Variants in BAZ1B observed in about 807,000 individuals in gnomAD.
BAZ1B encodes bromodomain adjacent to zinc finger domain 1B, also known as tyrosine-protein kinase BAZ1B.
A neutral mutation model predicts 153.8 loss-of-function variants in BAZ1B; 22 were observed. The ratio of observed to expected loss-of-function variants is 0.14; its 90% CI spans 0.10 to 0.20. BAZ1B has a LOEUF of 0.20. BAZ1B is among the 10% of genes least tolerant of loss of function. BAZ1B has a pLI of 1.00. For missense variants in BAZ1B, 1,325 were observed against 1,799.3 expected (o/e 0.74, Z 4.77); for synonymous variants, 676 against 633.4 (o/e 1.07, Z -1.01).
intron 3 of BAZ1B, among the ~76,000 whole-genome samples, chr7:73,506,617 T>TTC (rs1790352803): frequency 6.6e-6 from 1 of 151,710 alleles, no homozygotes; most frequent in Admixed American, 6.6e-5. Context: ...TCTGGGAGGC[T>TTC]GAAGTAGGCA....
chr7:73,462,354 T>C (rs1230822480), intron 12 of BAZ1B: 1 of 154,754 alleles, frequency 6.5e-6, no homozygotes, highest in Admixed American at 6.3e-5. Context: ...AAAAACGGTT[T>C]ATAATAGTAA....
intron 6 of BAZ1B, among the ~76,000 whole-genome samples, chr7:73,484,963 GT>G (rs1416387689): frequency 6.6e-6 from 1 of 151,990 alleles, no homozygotes; most frequent in Non-Finnish European, 1.5e-5. Flanking sequence ...AAACAAAATT[GT>G]TTTTTTGGTT....
chr7:73,456,107 T>G (rs1022974875), intron 13 of BAZ1B, among the ~76,000 whole-genome samples: 16 of 152,102 alleles, frequency 1.1e-4, no homozygotes, highest in Non-Finnish European at 2.1e-4. Context: ...GTATCTAATA[T>G]GAAAAAAATG....
chr7:73,478,553 G>A lies in BAZ1B; in HGVS notation c.908C>T (p.Pro303Leu), dbSNP rs782160864. ...TCCAGTATTCTTCCTCTTAGTAGAA[G>A]GGTTGAGAGTCATATACTAGAATTT... is the stretch of plus-strand genomic sequence containing the variant. Reference protein sequence around the residue: ...LDPYKYMTLNPSTKRKNTGSP... With the variant: ...LDPYKYMTLNLSTKRKNTGSP... The change falls in exon 7 of 20, where the codon CCT (proline) becomes CTT (leucine). Residue 303 changes from proline to leucine, a missense_variant. Physicochemically the swap from Pro to Leu is moderately conservative, Grantham distance 98. This residue lies in a region of BAZ1B where 219 missense variants were observed against 248.2 expected (regional missense o/e 0.88). Coordinates refer to ENST00000339594, the MANE Select transcript of BAZ1B (RefSeq NM_032408.4). The A allele has an allele frequency of 2.1e-5, 32 of 1,533,578 alleles. No homozygotes were observed. Among genetic ancestry groups the A allele is most frequent in the African/African-American group, 2.8e-5 (2 of 71,740 alleles). 95.0% of individuals were successfully genotyped at this position (1,533,578 alleles called of 1,614,324 possible). A position where few individuals can be genotyped will look rare whatever the true frequency, so the allele number is the denominator to read the frequency against.
Position 73,463,117 on chromosome 7 carries a change from A to G in BAZ1B, c.3072-18T>C. 6.3e-7 allele frequency: 1 copy of G among 1,579,092 alleles called. No homozygotes were observed. The highest frequency in any genetic ancestry group is 8.6e-7 in the Non-Finnish European group (1 of 1,163,760). On this transcript the variant is annotated intron_variant, in intron 11 of 19. Transcript: ENST00000339594. ...CCTGGTACCTAGAAGATTTGGGACAAGAGAATGGGGAAAGAAACAAACTTT... is the reference window on the plus strand; with the variant it reads ...CCTGGTACCTAGAAGATTTGGGACAGGAGAATGGGGAAAGAAACAAACTTT...
At chr7:73,465,895 C>T (rs946557118) in intron 10 of BAZ1B, among the ~76,000 whole-genome samples, 2 of 152,170 alleles carry the variant, frequency 1.3e-5, no homozygotes, top group African/African-American at 4.8e-5. Context: ...AATGGATCCT[C>T]TAAAACCTAG....
At position 73,521,778 on chromosome 7, in the gene BAZ1B, CCCCGGCCCAG is replaced by C. The variant is rs576870439; in HGVS notation, c.107+39_107+48del. 205 of 1,448,302 alleles carry C rather than the reference CCCCGGCCCAG, an allele frequency of 1.4e-4. 1 individual carries two copies. The highest frequency in any genetic ancestry group is 7.0e-4 in the African/African-American group (47 of 66,954). 89.7% of individuals were successfully genotyped at this position (1,448,302 alleles called of 1,614,324 possible). ...CTGGTCTCGCGAGCCCCAGGCCCTA[CCCCGGCCCAG>C]CCCGGCCCAGCCCGGCCCGCGCGGC... On this transcript the variant is annotated intron_variant, in intron 1 of 19. Coordinates refer to ENST00000339594, the MANE Select transcript of BAZ1B (RefSeq NM_032408.4).
At chr7:73,518,431 TAAATAAAAATAA>T (rs1240860204) in intron 1 of BAZ1B, among the ~76,000 whole-genome samples, 10 of 149,652 alleles carry the variant, frequency 6.7e-5, no homozygotes, top group South Asian at 6.3e-4. Context: ...AATAAATAAA[TAAATAAAAATAA>T]AAATAAAAAT....
chr7:73,481,854 A>C (rs1789214757), intron 6 of BAZ1B, among the ~76,000 whole-genome samples: 1 of 152,018 alleles, frequency 6.6e-6, no homozygotes, highest in Admixed American at 6.5e-5. Flanking sequence ...TGGCTAACAC[A>C]GTGAAACACC....
intron 13 of BAZ1B, among the ~76,000 whole-genome samples, chr7:73,456,033 C>G (rs1422017354): frequency 1.3e-5 from 2 of 152,090 alleles, no homozygotes; most frequent in African/African-American, 4.8e-5. Flanking sequence ...TTACTTACCT[C>G]TCATTTTATT....
chr7:73,508,142 G>A (rs183161469), intron 3 of BAZ1B, among the ~76,000 whole-genome samples, 185 bp downstream of exon 3: 60 of 152,234 alleles, frequency 3.9e-4, no homozygotes, highest in African/African-American at 1.4e-3. Flanking sequence ...GCGACAGAGT[G>A]AGACTCCATC....
At chr7:73,500,392 T>G (rs1327397955) in intron 3 of BAZ1B, among the ~76,000 whole-genome samples, 1 of 150,658 alleles carries the variant, frequency 6.6e-6, no homozygotes, top group Non-Finnish European at 1.5e-5. Context: ...ACAAAAAAAT[T>G]TGCCAGGCGA....
At chr7:73,484,114 A>C (rs1381101683) in intron 6 of BAZ1B, among the ~76,000 whole-genome samples, 1 of 152,164 alleles carries the variant, frequency 6.6e-6, no homozygotes, top group African/African-American at 2.4e-5. Flanking sequence ...AAAAATAGAA[A>C]AATTAGCCAG....
In BAZ1B at chr7:73,478,641, A is replaced by C. The variant is rs150092082; in HGVS notation, c.892-72T>G. ...AACTTAAGCAACATTTAAGCATCTT[A>C]AAGGCCCTCTTCCCCAGCTATTCAG... On this transcript the variant is annotated intron_variant, in intron 6 of 19. Coordinates refer to ENST00000339594, the MANE Select transcript of BAZ1B (RefSeq NM_032408.4). 1.4e-5 allele frequency: 18 copies of C among 1,264,560 alleles called. No homozygotes were observed. The East Asian group carries it at 4.5e-4, about 32-fold the overall frequency. The allele number at this position is 1,264,560 out of a possible 1,614,324, so 78.3% of individuals were successfully genotyped here.
chr7:73,476,730 A>T, intron 7 of BAZ1B, 138 bp downstream of exon 7: 1 of 1,373,206 alleles, frequency 7.3e-7, no homozygotes, highest in Non-Finnish European at 9.7e-7. Flanking sequence ...ATAAAAAATA[A>T]AATACATACC....
chr7:73,509,700 C>T (rs1367841165), intron 2 of BAZ1B, among the ~76,000 whole-genome samples: 1 of 151,096 alleles, frequency 6.6e-6, no homozygotes, highest in Non-Finnish European at 1.5e-5. Flanking sequence ...CGAAACTGTG[C>T]CTCTTAAAAA....
intron 19 of BAZ1B, 23 bp downstream of exon 19, chr7:73,442,158 T>TTC: frequency 4.4e-6 from 2 of 456,506 alleles, no homozygotes; most frequent in South Asian, 1.8e-5. Context: ...TCCCTAGCTG[T>TTC]CCCCCCACCT....
At chr7:73,517,160 G>C (rs1554579478) in intron 1 of BAZ1B, among the ~76,000 whole-genome samples, 1 of 151,428 alleles carries the variant, frequency 6.6e-6, no homozygotes, top group African/African-American at 2.4e-5. Flanking sequence ...TCCAGTCTGG[G>C]CGACACAGCA....
At chr7:73,446,695 C>T (rs1787850573) in intron 16 of BAZ1B, among the ~76,000 whole-genome samples, 1 of 152,026 alleles carries the variant, frequency 6.6e-6, no homozygotes, top group Non-Finnish European at 1.5e-5. Context: ...ATGCGGTGAA[C>T]ACAAAAGATG....
Sources: allele counts gnomAD v4.1 joint callset (sites outside exome capture counted in the v4.1 genomes callset), GRCh38; gene constraint gnomAD v4.1.1; regional missense constraint gnomAD v4.1.1; transcripts MANE v1.5; gene names NCBI Gene and HGNC (gene_info 2026-07-23, HGNC 2026-07-21).